METTL16: variants seen among roughly 807,000 people sequenced by gnomAD.
METTL16 encodes RNA N(6)-adenosine-methyltransferase METTL16.
In METTL16, 19 loss-of-function variants were observed where a neutral mutation model predicts 57.9. The observed-to-expected ratio is 0.33, with a 90% CI of 0.23 to 0.48. METTL16 has a LOEUF of 0.48. Among genes scored for constraint, METTL16 ranks in the 20% least tolerant of loss-of-function variants. The pLI is 0.99. For synonymous variants in METTL16, 246 were observed against 255.6 expected (o/e 0.96, Z 0.36); for missense variants, 434 against 691.5 (o/e 0.63, Z 4.18).
intron 8 of METTL16, among the ~76,000 whole-genome samples, chr17:2,433,774 G>A (rs2066891282): frequency 6.6e-6 from 1 of 152,178 alleles, no homozygotes; most frequent in Admixed American, 6.5e-5. Flanking sequence ...GCTCTTTAAC[G>A]CAAGTCCTAC....
intron 7 of METTL16, among the ~76,000 whole-genome samples, chr17:2,439,192 T>C (rs1474522428): frequency 6.6e-6 from 1 of 152,094 alleles, no homozygotes; most frequent in African/African-American, 2.4e-5. Flanking sequence ...TTGCTGCAAC[T>C]TCAACTTTCC....
At chr17:2,435,048 G>T (rs1162015715) in intron 8 of METTL16, among the ~76,000 whole-genome samples, 1 of 152,232 alleles carries the variant, frequency 6.6e-6, no homozygotes, top group Non-Finnish European at 1.5e-5. Context: ...ATTCTGCAGA[G>T]AACAGTTTGT....
intron 1 of METTL16, among the ~76,000 whole-genome samples, chr17:2,508,396 ATTAAATC>A (rs1274179859): frequency 1.3e-5 from 2 of 152,184 alleles, no homozygotes; most frequent in African/African-American, 4.8e-5. Context: ...TATGTGCAAA[ATTAAATC>A]ACTTCTACCC....
chr17:2,481,928 T>TA (rs2067309843), intron 2 of METTL16, among the ~76,000 whole-genome samples: 1 of 152,058 alleles, frequency 6.6e-6, no homozygotes, highest in Non-Finnish European at 1.5e-5. Flanking sequence ...AGGGACGCAG[T>TA]AGGGTACATG....
chr17:2,485,789 C>T (rs1242268898), intron 2 of METTL16, among the ~76,000 whole-genome samples: 6 of 152,014 alleles, frequency 3.9e-5, no homozygotes, highest in East Asian at 1.9e-4. Flanking sequence ...GACGGTCTGG[C>T]GGAGGATAGG....
At chr17:2,439,408 G>A (rs916796076) in intron 7 of METTL16, among the ~76,000 whole-genome samples, 13 of 152,028 alleles carry the variant, frequency 8.6e-5, no homozygotes, top group African/African-American at 3.1e-4. Context: ...CACTTTGCCC[G>A]GCCTGGGAGT....
At chr17:2,448,789 T>TAAAATAAAAAAAAAAA (rs2067041669) in intron 6 of METTL16, among the ~76,000 whole-genome samples, 1 of 47,734 alleles carries the variant, frequency 2.1e-5, no homozygotes, top group South Asian at 6.7e-4. Flanking sequence ...AATAAAAAAA[T>TAAAATAAAAAAAAAAA]AAAAATAAAA....
At chr17:2,496,295 T>C (rs1166290278) in intron 2 of METTL16, among the ~76,000 whole-genome samples, 2 of 151,578 alleles carry the variant, frequency 1.3e-5, no homozygotes, top group Non-Finnish European at 2.9e-5. Context: ...AAGTTCCAAA[T>C]TACGTCAAAC....
At chr17:2,421,890 C>T (rs370467484) in intron 8 of METTL16, among the ~76,000 whole-genome samples, 1 of 152,152 alleles carries the variant, frequency 6.6e-6, no homozygotes, top group African/African-American at 2.4e-5. Context: ...GTGACACCGG[C>T]GCTGATGAGA....
intron 2 of METTL16, among the ~76,000 whole-genome samples, chr17:2,496,692 A>C (rs2067448572): frequency 6.6e-6 from 1 of 151,594 alleles, no homozygotes; most frequent in African/African-American, 2.4e-5. Context: ...GTCCCCCAGA[A>C]TTCCTTTGTT....
At chr17:2,440,319 G>A (rs901768795) in intron 7 of METTL16, among the ~76,000 whole-genome samples, 1 of 151,812 alleles carries the variant, frequency 6.6e-6, no homozygotes, top group African/African-American at 2.4e-5. Context: ...CACGATCTCA[G>A]CTCACTGCAA....
At chr17:2,431,189 C>A (rs1392978496) in intron 8 of METTL16, among the ~76,000 whole-genome samples, 1 of 152,138 alleles carries the variant, frequency 6.6e-6, no homozygotes, top group East Asian at 1.9e-4. Flanking sequence ...TCAGGTGACC[C>A]ACCTGCCTCT....
In METTL16 at chr17:2,491,747, A is replaced by C. The variant is rs189466935; in HGVS notation, c.128+10457T>G. On this transcript the variant is annotated intron_variant, in intron 2 of 9. Transcript: ENST00000263092. ...AAAATTAGCCAGGCGTGGTGGTGGG[A>C]GCCTGTAGTTCCAGCTACTCCGGAG... Among the ~76,000 whole-genome samples the C allele has an allele frequency of 3.1e-3, 452 of 145,884 alleles. 3 individuals are homozygous for C. Among genetic ancestry groups the C allele is most frequent in the African/African-American group, 9.4e-3 (358 of 38,230 alleles).
At chr17:2,440,436 A>T (rs1256044659) in intron 7 of METTL16, among the ~76,000 whole-genome samples, 7 of 151,964 alleles carry the variant, frequency 4.6e-5, no homozygotes, top group African/African-American at 1.7e-4. Flanking sequence ...TTTAGTAGAG[A>T]TGGGGTTTCA....
In METTL16 at chr17:2,474,839, G is replaced by A. The variant is rs180760479; in HGVS notation, c.329-1175C>T. Among the ~76,000 whole-genome samples, 10 of 152,290 alleles carry A rather than the reference G, an allele frequency of 6.6e-5. No homozygotes were observed. In the South Asian group the frequency reaches 8.3e-4, roughly 13 times the overall value. The stretch of plus-strand genomic sequence containing the variant: ...GGAGGCTGAGGCAGGAGAATCGCTC[G>A]AACCTGGGAGGCGGAGGTTGCAGTG... On this transcript the variant is annotated intron_variant, in intron 3 of 9. Coordinates refer to ENST00000263092, the MANE Select transcript of METTL16 (RefSeq NM_024086.4).
At chr17:2,467,899 G>T (rs1323887527) in intron 4 of METTL16, 23 bp from the exon 5 acceptor site, 17 of 1,499,126 alleles carry the variant, frequency 1.1e-5, no homozygotes, top group Non-Finnish European at 1.5e-5. Flanking sequence ...ACAGGACTGT[G>T]AACTAATATT....
chr17:2,474,681 T>C (rs2067258005), intron 3 of METTL16, among the ~76,000 whole-genome samples: 1 of 152,206 alleles, frequency 6.6e-6, no homozygotes, highest in Non-Finnish European at 1.5e-5. Flanking sequence ...GTCCCAGCAC[T>C]TTGGGAGGCC....
chr17:2,462,116 C>T (rs1485299048), intron 6 of METTL16, among the ~76,000 whole-genome samples: 7 of 152,018 alleles, frequency 4.6e-5, no homozygotes, highest in African/African-American at 1.2e-4. Context: ...AATAGATGAA[C>T]GGATAAACGA....
At position 2,497,603 on chromosome 17, in the gene METTL16, G is replaced by A. The variant is rs190661150; in HGVS notation, c.128+4601C>T. 1.8e-4 allele frequency among the ~76,000 whole-genome samples: 28 copies of A among 151,552 alleles called. 2 individuals carry two copies. The highest frequency in any genetic ancestry group is 4.2e-4 in the African/African-American group (17 of 40,956). On this transcript the variant is annotated intron_variant, in intron 2 of 9. Transcript: ENST00000263092. ...AATATAGGCATGAGCCACTATGCCC[G>A]GCCTGGCATATCATTTAATAGAGAA...
Sources: gnomAD v4.1 joint callset for allele counts (sites outside exome capture counted in the v4.1 genomes callset) on GRCh38, gnomAD v4.1.1 for gene constraint, MANE v1.5 for transcripts, NCBI Gene and HGNC (gene_info 2026-07-23, HGNC 2026-07-21) for gene names.